Variants in PCSK5 observed in about 807,000 individuals in gnomAD.
PCSK5 encodes the protein proprotein convertase subtilisin/kexin type 5.
PCSK5 carries 129 observed loss-of-function variants against 233.2 expected under a neutral mutation model. The observed-to-expected ratio is 0.55, with a 90% CI of 0.48 to 0.64. The LOEUF is 0.64. Among genes scored for constraint, PCSK5 ranks in the 30% least tolerant of loss-of-function variants. The pLI, the probability that PCSK5 is intolerant of heterozygous loss-of-function variation, is 0.00. For missense variants in PCSK5, 2,076 were observed against 2,430.1 expected, an observed-to-expected ratio of 0.85 and a Z score of 3.06; for synonymous variants, 825 against 879.2, an observed-to-expected ratio of 0.94 and a Z score of 1.09.
Position 76,134,089 on chromosome 9 carries a change from C to G in PCSK5, c.1209-20C>G. On this transcript the variant is annotated intron_variant, in intron 9 of 37. Transcript: ENST00000674117. ...CTTTTTTTTTTTTGGTACAATGATT[C>G]TTACCTTGTCTTTCCCCAGTCCGTT... 7.1e-7 allele frequency: 1 copy of G among 1,418,430 alleles called. No individual in the cohort carries two copies. Among genetic ancestry groups the G allele is most frequent in the Non-Finnish European group, 9.8e-7 (1 of 1,025,630 alleles). 87.9% of individuals were successfully genotyped at this position (1,418,430 alleles called of 1,614,324 possible).
chr9:76,127,126 A>G (rs1339235), intron 9 of PCSK5, among the ~76,000 whole-genome samples: 71,287 of 151,736 alleles, frequency 0.47, 17,130 homozygotes, highest in Admixed American at 0.52. Context: ...GGGAGAAAAC[A>G]GCTATAAAGT....
intron 32 of PCSK5, 63 bp from the exon 33 acceptor site, chr9:76,327,946 C>A: frequency 1.0e-6 from 1 of 992,334 alleles, no homozygotes; most frequent in South Asian, 1.3e-5. Context: ...CCAGGGGAAG[C>A]CATTCCCACG....
intron 5 of PCSK5, among the ~76,000 whole-genome samples, chr9:76,042,837 A>T (rs948357470): frequency 6.6e-6 from 1 of 152,202 alleles, no homozygotes; most frequent in Non-Finnish European, 1.5e-5. Context: ...GTTCCTTGAG[A>T]TGTTTTTAAT....
chr9:76,205,669 T>C (rs1433773798), intron 20 of PCSK5, among the ~76,000 whole-genome samples: 1 of 152,200 alleles, frequency 6.6e-6, no homozygotes, highest in Non-Finnish European at 1.5e-5. Context: ...AATCAAATGG[T>C]TGTCAACGAG....
chr9:76,122,495 G>C (rs1364586811), intron 9 of PCSK5, among the ~76,000 whole-genome samples: 3 of 152,126 alleles, frequency 2.0e-5, no homozygotes, highest in African/African-American at 7.2e-5. Flanking sequence ...TCGCTATTGA[G>C]ATTTATTATT....
chr9:75,909,325 CA>C (rs1355185916), intron 1 of PCSK5, among the ~76,000 whole-genome samples: 38 of 141,576 alleles, frequency 2.7e-4, no homozygotes, highest in Non-Finnish European at 2.0e-4. Context: ...GACTCCATCT[CA>C]AAAAAAAAAA....
In PCSK5 at chr9:76,360,815, A is replaced by T. The variant is rs1234665310; in HGVS notation, c.*1893A>T. 6.6e-6 allele frequency: 1 copy of T among 152,206 alleles called. No individual in the cohort carries two copies. The highest frequency in any genetic ancestry group is 1.5e-5 in the Non-Finnish European group (1 of 68,030). The allele number at this position is 152,206 out of a possible 1,614,324, so 9.4% of individuals were successfully genotyped here. A position where few individuals can be genotyped will look rare whatever the true frequency, so the allele number is the denominator to read the frequency against. On this transcript the variant is annotated 3_prime_UTR_variant, in exon 38 of 38. Transcript: ENST00000674117. ...AATAAAACCTTATTTATGGACACTGACATTTGAAATTCAGGTAATTTTCAC... is the reference window on the plus strand; with the variant it reads ...AATAAAACCTTATTTATGGACACTGTCATTTGAAATTCAGGTAATTTTCAC...
intron 30 of PCSK5, among the ~76,000 whole-genome samples, chr9:76,313,432 C>T (rs1828925037): frequency 6.6e-6 from 1 of 152,150 alleles, no homozygotes; most frequent in African/African-American, 2.4e-5. Context: ...GCTGTTATTC[C>T]TACTTTTTCC....
chr9:76,153,134 C>G, intron 10 of PCSK5, among the ~76,000 whole-genome samples: 1 of 152,076 alleles, frequency 6.6e-6, no homozygotes, highest in Non-Finnish European at 1.5e-5. Flanking sequence ...TGTAAGCAGC[C>G]CTGAACTCTA....
chr9:75,928,221 T>C (rs62555881), intron 1 of PCSK5, among the ~76,000 whole-genome samples: 6,185 of 152,238 alleles, frequency 0.041, 170 homozygotes, highest in African/African-American at 0.054. Context: ...TTTGCACTAT[T>C]TGCTATCGAT....
chr9:76,300,164 A>G (rs900428027), intron 27 of PCSK5, among the ~76,000 whole-genome samples: 3 of 152,158 alleles, frequency 2.0e-5, no homozygotes, highest in Non-Finnish European at 4.4e-5. Flanking sequence ...ACTGAAAGTC[A>G]CTCACATGTG....
intron 5 of PCSK5, among the ~76,000 whole-genome samples, chr9:76,028,197 G>A (rs1272214487): frequency 2.0e-5 from 3 of 152,176 alleles, no homozygotes; most frequent in Admixed American, 6.5e-5. Context: ...ACTTCCAAGC[G>A]AAAAGAGAGA....
At chr9:76,067,583 A>AC (rs1830329312) in intron 5 of PCSK5, among the ~76,000 whole-genome samples, 1 of 152,184 alleles carries the variant, frequency 6.6e-6, no homozygotes, top group African/African-American at 2.4e-5. Context: ...TTAAGCTTAA[A>AC]TAAAAAATTG....
At chr9:75,983,570 C>T (rs891833476) in intron 2 of PCSK5, among the ~76,000 whole-genome samples, 26 of 152,128 alleles carry the variant, frequency 1.7e-4, no homozygotes, top group African/African-American at 4.8e-4. Flanking sequence ...TTTAAATTAA[C>T]GAAGGATAGA....
At chr9:76,174,300 CA>C (rs869147538) in intron 13 of PCSK5, among the ~76,000 whole-genome samples, 6 of 149,644 alleles carry the variant, frequency 4.0e-5, no homozygotes, top group East Asian at 2.0e-4. Context: ...CAGATAATGC[CA>C]AAAAAAAATT....
chr9:76,181,608 T>C lies in PCSK5; in HGVS notation c.2197+17T>C. 1 of 1,567,828 alleles carries C rather than the reference T, an allele frequency of 6.4e-7. No individual in the cohort carries two copies. The highest frequency in any genetic ancestry group is 8.7e-7 in the Non-Finnish European group (1 of 1,145,568). On this transcript the variant is annotated intron_variant, in intron 16 of 37. Transcript: ENST00000674117. ...AGGATACCAGTAAGCTCACTTCAAA[T>C]ACTTGGGTTTTAGAGAAGAAATGTG...
At chr9:76,245,059 T>TTTTG (rs909729901) in intron 24 of PCSK5, among the ~76,000 whole-genome samples, 8 of 152,284 alleles carry the variant, frequency 5.3e-5, no homozygotes, top group South Asian at 2.1e-4. Context: ...GAGGCACATT[T>TTTTG]TTTGTTTGTT....
intron 20 of PCSK5, among the ~76,000 whole-genome samples, chr9:76,222,316 G>T (rs1825752794): frequency 6.6e-6 from 1 of 151,916 alleles, no homozygotes; most frequent in Non-Finnish European, 1.5e-5. Context: ...CAAACTCTTT[G>T]TGTAGATATT....
chr9:75,975,182 C>A (rs1434563757), intron 2 of PCSK5, among the ~76,000 whole-genome samples: 1 of 152,224 alleles, frequency 6.6e-6, no homozygotes, highest in Non-Finnish European at 1.5e-5. Flanking sequence ...ACCATTCCCC[C>A]TCCCTGAGTT....
Sources: gnomAD v4.1 joint callset for allele counts (sites outside exome capture counted in the v4.1 genomes callset) on GRCh38, gnomAD v4.1.1 for gene constraint, MANE v1.5 for transcripts, NCBI Gene and HGNC (gene_info 2026-07-23, HGNC 2026-07-21) for gene names.